CORO1C: variants seen among roughly 807,000 people sequenced by gnomAD.
CORO1C encodes coronin 1C, also known as coronin-1C.
A neutral mutation model predicts 51.2 loss-of-function variants in CORO1C; 14 were observed. The ratio of observed to expected loss-of-function variants is 0.27; its 90% CI spans 0.18 to 0.43. The LOEUF (loss-of-function observed/expected upper bound fraction) is 0.43, where lower values mean the gene tolerates loss of function less well. Among genes scored for constraint, CORO1C ranks in the 20% least tolerant of loss-of-function variants. The probability of loss-of-function intolerance (pLI) is 1.00; values close to 1 mark genes in which losing one functional copy is unlikely to be tolerated. For missense variants in CORO1C, 417 were observed against 607.8 expected, an observed-to-expected ratio of 0.69 and a Z score of 3.30; for synonymous variants, 181 against 210.5, an observed-to-expected ratio of 0.86 and a Z score of 1.21.
rs187833166 is a variant in CORO1C at position 108,648,144 on chromosome 12, C to T, written c.1305+461G>A. Among the ~76,000 whole-genome samples the T allele has an allele frequency of 7.4e-3, 1,128 of 152,306 alleles. 9 individuals are homozygous for T. Among genetic ancestry groups the T allele is most frequent in the Non-Finnish European group, 0.011 (752 of 68,032 alleles). ...TGTTGCCAGCCCCACACCGCCAGATCCTTCTGTCGTAGCCACTCAGCTACA... is the reference window on the plus strand; with the variant it reads ...TGTTGCCAGCCCCACACCGCCAGATTCTTCTGTCGTAGCCACTCAGCTACA... On this transcript the variant is annotated intron_variant, in intron 10 of 10. Coordinates refer to ENST00000261401, the MANE Select transcript of CORO1C (RefSeq NM_014325.4).
rs1033756651 is a variant in CORO1C at position 108,646,148 on chromosome 12, A to G, written c.*1255T>C. The G allele has an allele frequency of 6.6e-6, 1 of 152,232 alleles. No individual in the cohort carries two copies. The highest frequency in any genetic ancestry group is 2.4e-5 in the African/African-American group (1 of 41,436). The allele number at this position is 152,232 out of a possible 1,614,324, so 9.4% of individuals were successfully genotyped here. ...TCTCCTCAGTCTCAATACTCATTCA[A>G]TCGCACCCTCTGGCCTTGTCTTAGC... On this transcript the variant is annotated 3_prime_UTR_variant, in exon 11 of 11. Transcript: ENST00000261401.
intron 1 of CORO1C, among the ~76,000 whole-genome samples, chr12:108,720,211 C>T (rs901755518): frequency 2.0e-5 from 3 of 152,064 alleles, no homozygotes; most frequent in African/African-American, 7.2e-5. Flanking sequence ...CACACACACA[C>T]GCACACACAA....
At chr12:108,720,655 C>T (rs2035453659) in intron 1 of CORO1C, among the ~76,000 whole-genome samples, 1 of 152,048 alleles carries the variant, frequency 6.6e-6, no homozygotes, top group Admixed American at 6.6e-5. Flanking sequence ...TCCTGAGTAG[C>T]TGGGACTACA....
At position 108,658,031 on chromosome 12, in the gene CORO1C, G is replaced by A. The variant is rs1414265605; in HGVS notation, c.631-608C>T. On this transcript the variant is annotated intron_variant, in intron 5 of 10. Transcript: ENST00000261401. This position sits in a 1 kb window ranked among gnomAD's most constrained non-coding sequence, Gnocchi z 4.9. Reference sequence around the variant, plus strand: ...GGAAGGGCCTCAGAGTGTGGCAAATGAGGACTTCTCAGACTTACTATGTGT... The same window carrying A: ...GGAAGGGCCTCAGAGTGTGGCAAATAAGGACTTCTCAGACTTACTATGTGT... Among the ~76,000 whole-genome samples, 1 of 152,156 alleles carries A rather than the reference G, an allele frequency of 6.6e-6. No homozygotes were observed. Among genetic ancestry groups the A allele is most frequent in the Non-Finnish European group, 1.5e-5 (1 of 68,022 alleles).
rs185255575 is a variant in CORO1C, at chr12:108,660,538, G to A, written c.448+1491C>T. Among the ~76,000 whole-genome samples, 59 of 151,980 alleles carry A rather than the reference G, an allele frequency of 3.9e-4. 1 individual carries two copies. Among genetic ancestry groups the A allele is most frequent in the African/African-American group, 1.4e-3 (56 of 41,464 alleles). ...AAAAGTTGAAGCTAAACTCTGGGAT[G>A]GACAATTGAACCTTCCTCTGCCTTC... On this transcript the variant is annotated intron_variant, in intron 4 of 10. Coordinates refer to ENST00000261401, the MANE Select transcript of CORO1C (RefSeq NM_014325.4).
chr12:108,671,664 T>G (rs1032330050), intron 3 of CORO1C, among the ~76,000 whole-genome samples: 18 of 152,148 alleles, frequency 1.2e-4, no homozygotes, highest in Non-Finnish European at 2.6e-4. Context: ...GAAAGGAAAT[T>G]AGATTATAAT....
chr12:108,693,122 C>T (rs953834736), intron 2 of CORO1C, among the ~76,000 whole-genome samples: 1 of 151,878 alleles, frequency 6.6e-6, no homozygotes, highest in African/African-American at 2.4e-5. Flanking sequence ...ATATCCTCCC[C>T]CCTAAAGAAA....
intron 2 of CORO1C, among the ~76,000 whole-genome samples, chr12:108,687,559 C>A (rs559323820): frequency 6.6e-6 from 1 of 151,748 alleles, no homozygotes; most frequent in Non-Finnish European, 1.5e-5. Flanking sequence ...CTGAGGCGGG[C>A]GGATCACTTG....
chr12:108,715,667 TG>T (rs2035312744), intron 1 of CORO1C, among the ~76,000 whole-genome samples: 1 of 123,628 alleles, frequency 8.1e-6, no homozygotes, highest in African/African-American at 2.9e-5. Flanking sequence ...CTCACAACAC[TG>T]GCAGCAGCCA....
intron 1 of CORO1C, among the ~76,000 whole-genome samples, chr12:108,723,458 A>G (rs1316848697): frequency 6.6e-6 from 1 of 152,222 alleles, no homozygotes; most frequent in Non-Finnish European, 1.5e-5. Flanking sequence ...CACCCCTATG[A>G]TATCAAAAGT....
At chr12:108,695,197 G>A (rs950746722) in intron 2 of CORO1C, among the ~76,000 whole-genome samples, 2 of 152,202 alleles carry the variant, frequency 1.3e-5, no homozygotes, top group Admixed American at 1.3e-4. Flanking sequence ...TATGGACCTT[G>A]CCACAGAGCT....
Position 108,727,648 on chromosome 12 carries a change from C to T in CORO1C, c.-6+3781G>A, listed in dbSNP as rs139320231. Among the ~76,000 whole-genome samples the T allele has an allele frequency of 3.5e-3, 537 of 152,282 alleles. 2 individuals are homozygous for T. The highest frequency in any genetic ancestry group is 0.012 in the African/African-American group (503 of 41,538). Reference sequence around the variant, plus strand: ...TTAATTCAAACCTTTCCCCAGTCCTCTCACATTTGGGTTTCAACTTATATA... The same window carrying T: ...TTAATTCAAACCTTTCCCCAGTCCTTTCACATTTGGGTTTCAACTTATATA... On this transcript the variant is annotated intron_variant, in intron 1 of 10. Transcript: ENST00000261401.
intron 6 of CORO1C, among the ~76,000 whole-genome samples, chr12:108,655,720 C>T (rs1001982349): frequency 6.6e-6 from 1 of 152,136 alleles, no homozygotes; most frequent in Non-Finnish European, 1.5e-5. Flanking sequence ...GGTGTGATCT[C>T]GGCTAGCTAC....
intron 8 of CORO1C, among the ~76,000 whole-genome samples, chr12:108,649,979 G>C (rs1373917341): frequency 6.6e-6 from 1 of 152,162 alleles, no homozygotes; most frequent in Non-Finnish European, 1.5e-5. Flanking sequence ...GCAGCCTTTG[G>C]CATCTGAAAC....
Position 108,662,068 on chromosome 12 carries a change from C to T in CORO1C, c.409G>A (p.Ala137Thr). ...ACATTGCGGGCCGTTGGATGCCAAG[C>T]CACGATGCCGACTCTCTTTGAGTGG... ...EGHSKRVGIV[A>T]WHPTARNVLL... Residue 137 changes from alanine to threonine, a missense_variant, in exon 4 of 11, where the codon GCT becomes ACT. By Grantham distance (58) the Ala-to-Thr change is moderately conservative. Transcript: ENST00000261401. 3 of 1,614,194 alleles carry T rather than the reference C, an allele frequency of 1.9e-6. No homozygotes were observed. The highest frequency in any genetic ancestry group is 2.5e-6 in the Non-Finnish European group (3 of 1,180,034).
Position 108,716,383 on chromosome 12 carries a change from A to G in CORO1C, c.-6+15046T>C, listed in dbSNP as rs563552225. Among the ~76,000 whole-genome samples, 293 of 152,260 alleles carry G rather than the reference A, an allele frequency of 1.9e-3. 2 individuals carry two copies. Among genetic ancestry groups the G allele is most frequent in the African/African-American group, 6.7e-3 (277 of 41,552 alleles). On this transcript the variant is annotated intron_variant, in intron 1 of 10. Transcript: ENST00000261401. ...CATATCTTAAAAAGGGATGGGGGAT[A>G]TTTTTATTAATAACTTCATAAGGCT...
intron 2 of CORO1C, among the ~76,000 whole-genome samples, chr12:108,699,495 G>C (rs34292438): frequency 6.6e-6 from 1 of 152,156 alleles, no homozygotes; most frequent in Non-Finnish European, 1.5e-5. Context: ...ATAAAAACTC[G>C]TAACTCCAAA....
chr12:108,716,023 C>G (rs939696952), intron 1 of CORO1C, among the ~76,000 whole-genome samples: 1 of 146,470 alleles, frequency 6.8e-6, no homozygotes, highest in South Asian at 2.2e-4. Context: ...CCCAGCTACT[C>G]GGGAGGCTGA....
chr12:108,667,822 T>A (rs2033545586), intron 3 of CORO1C, among the ~76,000 whole-genome samples: 1 of 152,212 alleles, frequency 6.6e-6, no homozygotes, highest in African/African-American at 2.4e-5. Flanking sequence ...TACTGTACCA[T>A]GGGCATCCTT....
Sources: allele counts gnomAD v4.1 joint callset (sites outside exome capture counted in the v4.1 genomes callset), GRCh38; gene constraint gnomAD v4.1.1; non-coding constraint Gnocchi (gnomAD v3.1); transcripts MANE v1.5; gene names NCBI Gene and HGNC (gene_info 2026-07-23, HGNC 2026-07-21).